Variants in RNF217 observed in about 807,000 individuals in gnomAD.
The protein encoded by RNF217 is E3 ubiquitin-protein ligase RNF217.
A neutral mutation model predicts 57.8 loss-of-function variants in RNF217; 31 were observed. The observed-to-expected ratio is 0.54, with a 90% confidence interval of 0.40 to 0.72. The LOEUF (loss-of-function observed/expected upper bound fraction) is 0.72, where lower values mean the gene tolerates loss of function less well. Among genes scored for constraint, RNF217 ranks in the 30% least tolerant of loss-of-function variants. RNF217 has a pLI of 0.00. For missense variants in RNF217, 696 were observed against 708.3 expected, an observed-to-expected ratio of 0.98 and a Z score of 0.20; for synonymous variants, 313 against 294.0, an observed-to-expected ratio of 1.06 and a Z score of -0.66.
rs1021268838 is a variant in RNF217, at chr6:125,010,858, AG to A, written c.883-34352del. ...ATGATCTAAGGTCTGCCAGCTCCAA[AG>A]TCCAGCCCTCCCAGGTCTACCACGG... On this transcript the variant is annotated intron_variant, in intron 1 of 5. Transcript: ENST00000521654. Among the ~76,000 whole-genome samples, 50 of 152,168 alleles carry A rather than the reference AG, an allele frequency of 3.3e-4. 1 individual carries two copies. Among genetic ancestry groups the A allele is most frequent in the Non-Finnish European group, 1.3e-4 (9 of 68,034 alleles).
Position 125,085,141 on chromosome 6 carries a change from C to G in RNF217, c.*2204C>G, listed in dbSNP as rs1292555933. 1 of 151,762 alleles carries G rather than the reference C, an allele frequency of 6.6e-6. No individual in the cohort carries two copies. The highest frequency in any genetic ancestry group is 2.4e-5 in the African/African-American group (1 of 41,368). 9.4% of individuals were successfully genotyped at this position (151,762 alleles called of 1,614,324 possible). On this transcript the variant is annotated 3_prime_UTR_variant, in exon 6 of 6. Transcript: ENST00000521654. Reference sequence around the variant, plus strand: ...TCTTTTGTCTTGGATAATCTGTTTTCTGGGTTATGTATCTGTTGTCTTTGG... The same window carrying G: ...TCTTTTGTCTTGGATAATCTGTTTTGTGGGTTATGTATCTGTTGTCTTTGG...
chr6:124,963,157 C>T lies in RNF217; in HGVS notation c.613C>T (p.Pro205Ser). Residue 205 changes from proline (P) to serine (S), a missense_variant, in exon 1 of 6, where the codon CCC (proline) becomes TCC (serine). Physicochemically the swap from Pro to Ser is moderately conservative, Grantham distance 74. Coordinates refer to ENST00000521654, the MANE Select transcript of RNF217 (RefSeq NM_001286398.3). ...LNPPSTRSSF[P>S]SPRLSLPTDS... is the part of the protein sequence containing the mutation. ...CCCTCCCAGCACCCGCTCTTCCTTCCCCAGCCCCCGACTGTCCCTCCCAAC... is the reference window on the plus strand; with the variant it reads ...CCCTCCCAGCACCCGCTCTTCCTTCTCCAGCCCCCGACTGTCCCTCCCAAC... 1 of 1,534,740 alleles carries T rather than the reference C, an allele frequency of 6.5e-7. No homozygotes were observed. The highest frequency in any genetic ancestry group is 8.7e-7 in the Non-Finnish European group (1 of 1,146,168).
At position 125,092,460 on chromosome 6, in the gene RNF217, A is replaced by G. The variant is rs1788984712; in HGVS notation, c.*9523A>G. On this transcript the variant is annotated 3_prime_UTR_variant, in exon 6 of 6. Transcript: ENST00000521654. Reference sequence around the variant, plus strand: ...TAATTATGAAATCAGATTGCATGGAAGAATATAAAGACACTCACTCGGATG... The same window carrying G: ...TAATTATGAAATCAGATTGCATGGAGGAATATAAAGACACTCACTCGGATG... 6.6e-6 allele frequency: 1 copy of G among 152,190 alleles called. No individual in the cohort carries two copies. Among genetic ancestry groups the G allele is most frequent in the Admixed American group, 6.5e-5 (1 of 15,278 alleles). 9.4% of individuals were successfully genotyped at this position (152,190 alleles called of 1,614,324 possible).
chr6:125,031,091 C>G (rs1437959688), intron 1 of RNF217, among the ~76,000 whole-genome samples: 1 of 152,218 alleles, frequency 6.6e-6, no homozygotes, highest in Non-Finnish European at 1.5e-5. Context: ...AGCCACAGCC[C>G]GAGCTGTATG....
chr6:125,027,917 C>T (rs1056947471), intron 1 of RNF217, among the ~76,000 whole-genome samples: 1 of 152,128 alleles, frequency 6.6e-6, no homozygotes, highest in Non-Finnish European at 1.5e-5. Context: ...TGTTGAGCAT[C>T]TTTTCATATG....
rs77632291 is a variant in RNF217, at chr6:125,066,016, C to G, written c.1281+7910C>G. On this transcript the variant is annotated intron_variant, in intron 3 of 5. Coordinates refer to ENST00000521654, the MANE Select transcript of RNF217 (RefSeq NM_001286398.3). ...ACTCCAGTCTTCCAGCTGCTCAGGC[C>G]AAGAACTTTAGGTTATCCCAGACTC... is the stretch of plus-strand genomic sequence containing the variant. Among the ~76,000 whole-genome samples, 1,439 of 152,298 alleles carry G rather than the reference C, an allele frequency of 9.4e-3. 14 individuals carry two copies. Among genetic ancestry groups the G allele is most frequent in the Non-Finnish European group, 0.014 (978 of 68,016 alleles).
At chr6:125,044,865 G>A (rs757548307) in intron 1 of RNF217, among the ~76,000 whole-genome samples, 1 of 152,078 alleles carries the variant, frequency 6.6e-6, no homozygotes, top group African/African-American at 2.4e-5. Context: ...AGTTCTTGCA[G>A]TTGGTGCATC....
chr6:125,058,172 A>C, intron 3 of RNF217, 66 bp downstream of exon 3: 1 of 1,366,452 alleles, frequency 7.3e-7, no homozygotes, highest in Middle Eastern at 1.9e-4. Context: ...CAATATTTAC[A>C]TTATTGAAGG....
intron 1 of RNF217, among the ~76,000 whole-genome samples, chr6:125,025,977 G>A (rs1194627129): frequency 6.6e-6 from 1 of 152,092 alleles, no homozygotes. Flanking sequence ...AATGGTTCAT[G>A]GGTAAGAAAG....
Position 124,962,503 on chromosome 6 carries a change from C to A in RNF217, c.-42C>A. ...GCCCGCGGGCGCCGGGTGGGGGTCC[C>A]GGCGGCTGGATGGGCAGCGGCGGCG... On this transcript the variant is annotated 5_prime_UTR_variant, in exon 1 of 6. Transcript: ENST00000521654. This position sits in a 1 kb window ranked among gnomAD's most constrained non-coding sequence, Gnocchi z 4.6. 9.5e-7 allele frequency: 1 copy of A among 1,057,442 alleles called. No individual in the cohort carries two copies. Among genetic ancestry groups the A allele is most frequent in the Non-Finnish European group, 1.2e-6 (1 of 855,804 alleles). The allele number at this position is 1,057,442 out of a possible 1,614,324, so 65.5% of individuals were successfully genotyped here.
intron 1 of RNF217, among the ~76,000 whole-genome samples, chr6:124,966,100 C>T (rs1264935136): frequency 6.6e-6 from 1 of 152,112 alleles, no homozygotes; most frequent in Non-Finnish European, 1.5e-5. Context: ...TTAAAGCGGA[C>T]AAAAGTAACA....
At position 125,057,930 on chromosome 6, in the gene RNF217, T is replaced by C; in HGVS notation, c.1117-12T>C. On this transcript the variant is annotated splice_polypyrimidine_tract_variant and intron_variant, in intron 2 of 5. Coordinates refer to ENST00000521654, the MANE Select transcript of RNF217 (RefSeq NM_001286398.3). ...ATCCACTAGTAATTAATATGATTTT[T>C]TTCTTACACAGATCCAGTGCCCTAC... 6.3e-7 allele frequency: 1 copy of C among 1,588,520 alleles called. No individual in the cohort carries two copies. The highest frequency in any genetic ancestry group is 8.6e-7 in the Non-Finnish European group (1 of 1,166,340).
chr6:124,988,497 AAC>A (rs1784437158), intron 1 of RNF217, among the ~76,000 whole-genome samples: 1 of 152,234 alleles, frequency 6.6e-6, no homozygotes, highest in African/African-American at 2.4e-5. Context: ...TTGGTTCAAT[AAC>A]ACATGATAGA....
chr6:125,048,449 C>T (rs1787180028), intron 2 of RNF217, among the ~76,000 whole-genome samples: 2 of 151,968 alleles, frequency 1.3e-5, no homozygotes, highest in African/African-American at 4.8e-5. Flanking sequence ...CGTTTCTGTG[C>T]AATTTAACGT....
chr6:125,057,849 CT>C, intron 2 of RNF217, 92 bp from the exon 3 acceptor site: 3 of 1,095,496 alleles, frequency 2.7e-6, no homozygotes, highest in Middle Eastern at 2.3e-4. Context: ...AAATTATAAA[CT>C]TTTAGCTAAT....
intron 1 of RNF217, among the ~76,000 whole-genome samples, chr6:124,988,230 A>G (rs1028562448): frequency 2.6e-5 from 4 of 152,148 alleles, no homozygotes; most frequent in African/African-American, 9.7e-5. Context: ...ACCCCCATCC[A>G]TGGAAGAGTT....
In RNF217 at chr6:125,048,487, A is replaced by G. The variant is rs1361627650; in HGVS notation, c.1116+3043A>G. ...CTTTATAATAATGTTTACAGGCTTA[A>G]GTAGGTTTGTATCTACTGATAAAAC... On this transcript the variant is annotated intron_variant, in intron 2 of 5. Coordinates refer to ENST00000521654, the MANE Select transcript of RNF217 (RefSeq NM_001286398.3). Among the ~76,000 whole-genome samples, 2 of 152,058 alleles carry G rather than the reference A, an allele frequency of 1.3e-5. 1 individual carries two copies. The highest frequency in any genetic ancestry group is 2.9e-5 in the Non-Finnish European group (2 of 67,990).
intron 1 of RNF217, among the ~76,000 whole-genome samples, chr6:124,974,171 T>C (rs2114996811): frequency 6.6e-6 from 1 of 152,314 alleles, no homozygotes; most frequent in African/African-American, 2.4e-5. Context: ...CCTGCCCAGA[T>C]TCAAGGGGAA....
chr6:125,066,047 CTT>C (rs1787926589), intron 3 of RNF217, among the ~76,000 whole-genome samples: 1 of 152,160 alleles, frequency 6.6e-6, no homozygotes, highest in Non-Finnish European at 1.5e-5. Flanking sequence ...GACTCTGCTT[CTT>C]TCATTTCCCA....
Sources: gnomAD v4.1 joint callset for allele counts (sites outside exome capture counted in the v4.1 genomes callset) on GRCh38, gnomAD v4.1.1 for gene constraint, Gnocchi (gnomAD v3.1) non-coding constraint, MANE v1.5 for transcripts, NCBI Gene and HGNC (gene_info 2026-07-23, HGNC 2026-07-21) for gene names.